The following SAMD12 variants were observed in gnomAD, a reference collection of about 807,000 sequenced individuals.
The protein encoded by SAMD12 is sterile alpha motif domain-containing protein 12.
In SAMD12, 9 loss-of-function variants were observed where a neutral mutation model predicts 15.0. The ratio of observed to expected loss-of-function variants is 0.60; its 90% CI spans 0.36 to 1.05. The LOEUF is 1.05. Among genes scored for constraint, SAMD12 ranks in the 50% least tolerant of loss-of-function variants. The pLI, the probability that SAMD12 is intolerant of heterozygous loss-of-function variation, is 0.01. For synonymous variants in SAMD12, 86 were observed against 90.1 expected (o/e 0.96, Z 0.25); for missense variants, 230 against 234.2 (o/e 0.98, Z 0.12).
At chr8:118,483,606 T>G (rs1362044136) in intron 2 of SAMD12, among the ~76,000 whole-genome samples, 1 of 152,222 alleles carries the variant, frequency 6.6e-6, no homozygotes, top group Non-Finnish European at 1.5e-5. Flanking sequence ...AATGCATATA[T>G]AGATCACTAC....
chr8:118,211,536 T>C (rs1357346981), intron 4 of SAMD12, among the ~76,000 whole-genome samples: 1 of 152,242 alleles, frequency 6.6e-6, no homozygotes, highest in African/African-American at 2.4e-5. Flanking sequence ...TGTCCTGCTT[T>C]AAAATAACAG....
At chr8:118,295,557 T>C (rs963294168) in intron 4 of SAMD12, 1 of 152,114 alleles carries the variant, frequency 6.6e-6, no homozygotes, top group South Asian at 2.1e-4. Flanking sequence ...CAATTTTTAT[T>C]AAATAAAAGC....
intron 3 of SAMD12, among the ~76,000 whole-genome samples, chr8:118,380,066 C>T (rs951206405): frequency 3.9e-5 from 6 of 152,186 alleles, no homozygotes; most frequent in Non-Finnish European, 8.8e-5. Context: ...GCTGGATTCT[C>T]AGGCTGGCCC....
the SAMD12 span, among the ~76,000 whole-genome samples, chr8:118,165,624 A>ATG: frequency 1.4e-5 from 2 of 144,104 alleles, no homozygotes; most frequent in African/African-American, 5.2e-5. Flanking sequence ...GTATATATAT[A>ATG]TATATATATA....
downstream of SAMD12, among the ~76,000 whole-genome samples, chr8:118,373,585 T>C (rs553339459): frequency 6.6e-6 from 1 of 152,306 alleles, no homozygotes; most frequent in East Asian, 1.9e-4. Context: ...AAGTAAAATT[T>C]GACACATATA....
chr8:118,397,109 G>A (rs1189542628), intron 3 of SAMD12, among the ~76,000 whole-genome samples: 1 of 152,182 alleles, frequency 6.6e-6, no homozygotes, highest in Non-Finnish European at 1.5e-5. Flanking sequence ...ATATTCAATA[G>A]AAATACAAAG....
At chr8:118,191,791 TATATATATATATATATATATAG>T (rs1450629855) in exon 5 of SAMD12, 17 of 55,504 alleles carry the variant, frequency 3.1e-4, no homozygotes, top group South Asian at 1.9e-3. Flanking sequence ...TATATATATA[TATATATATATATATATATATAG>T]AGAGAGAGAG....
At chr8:118,251,794 T>G (rs1190747622) in intron 4 of SAMD12, among the ~76,000 whole-genome samples, 1 of 152,114 alleles carries the variant, frequency 6.6e-6, no homozygotes, top group Non-Finnish European at 1.5e-5. Flanking sequence ...TGTCTCTCAC[T>G]GATACAGAAC....
intron 4 of SAMD12, among the ~76,000 whole-genome samples, chr8:118,329,864 A>G (rs1259386870): frequency 6.6e-6 from 1 of 152,092 alleles, no homozygotes; most frequent in African/African-American, 2.4e-5. Context: ...AGTTTTGGCT[A>G]TTACTTGACT....
At chr8:118,613,046 G>A (rs1828145559) in intron 1 of SAMD12, among the ~76,000 whole-genome samples, 1 of 152,198 alleles carries the variant, frequency 6.6e-6, no homozygotes, top group Non-Finnish European at 1.5e-5. Context: ...CAGGGGCTGT[G>A]GGTAGAGGGA....
At chr8:118,490,320 A>G (rs1824407282) in intron 2 of SAMD12, among the ~76,000 whole-genome samples, 1 of 152,170 alleles carries the variant, frequency 6.6e-6, no homozygotes, top group African/African-American at 2.4e-5. Context: ...TCATTTTCCT[A>G]TACTTCAAAC....
At chr8:118,515,074 G>A (rs1175932949) in intron 2 of SAMD12, among the ~76,000 whole-genome samples, 13 of 151,934 alleles carry the variant, frequency 8.6e-5, no homozygotes, top group South Asian at 6.2e-4. Flanking sequence ...GCTGCAGTGC[G>A]GTGGCGTGAT....
At chr8:118,479,731 A>T (rs1298115117) in intron 2 of SAMD12, among the ~76,000 whole-genome samples, 1 of 151,844 alleles carries the variant, frequency 6.6e-6, no homozygotes, top group African/African-American at 2.4e-5. Context: ...TGCATCCATG[A>T]GCACCAGCAA....
chr8:118,174,459 G>A, the SAMD12 span, among the ~76,000 whole-genome samples: 9 of 152,260 alleles, frequency 5.9e-5, no homozygotes, highest in Non-Finnish European at 1.0e-4. Flanking sequence ...GTGTATCTGC[G>A]TGGGCCATTC....
intron 4 of SAMD12, among the ~76,000 whole-genome samples, chr8:118,372,228 A>T (rs1483034970): frequency 6.7e-6 from 1 of 150,356 alleles, no homozygotes; most frequent in Non-Finnish European, 1.5e-5. Flanking sequence ...GAAGAGAGAC[A>T]AAAGGAAGCA....
chr8:118,222,770 G>A (rs879733357), intron 4 of SAMD12, among the ~76,000 whole-genome samples: 5 of 152,080 alleles, frequency 3.3e-5, no homozygotes, highest in East Asian at 3.9e-4. Flanking sequence ...CTCCCAAAGC[G>A]CTGGGATTAC....
chr8:118,459,006 G>GC (rs1193461193), intron 2 of SAMD12, among the ~76,000 whole-genome samples: 2 of 150,780 alleles, frequency 1.3e-5, no homozygotes, highest in Admixed American at 1.3e-4. Flanking sequence ...CATGACTTCA[G>GC]TTTTTACAAC....
intron 2 of SAMD12, among the ~76,000 whole-genome samples, chr8:118,478,953 C>T (rs564178142): frequency 1.3e-5 from 2 of 152,288 alleles, no homozygotes; most frequent in Middle Eastern, 3.4e-3. Context: ...ACCTGGGACA[C>T]CATTTTCAAG....
In SAMD12 at chr8:118,584,502, C is replaced by T. The variant is rs114037556; in HGVS notation, c.14-3609G>A. Among the ~76,000 whole-genome samples, 862 of 152,268 alleles carry T rather than the reference C, an allele frequency of 5.7e-3. 7 individuals carry two copies. Among genetic ancestry groups the T allele is most frequent in the African/African-American group, 0.019 (804 of 41,532 alleles). ...ACCCTCTTCTCGTTTCCCTAATCTT[C>T]ACCACCACTCCTGTGCCTGACGGAT... On this transcript the variant is annotated intron_variant, in intron 1 of 3. Transcript: ENST00000314727.
Sources: allele counts gnomAD v4.1 joint callset (sites outside exome capture counted in the v4.1 genomes callset), GRCh38; gene constraint gnomAD v4.1.1; transcripts MANE v1.5; gene names NCBI Gene and HGNC (gene_info 2026-07-23, HGNC 2026-07-21).